The following KAT6B variants were observed in gnomAD, a reference collection of about 807,000 sequenced individuals.
KAT6B encodes histone acetyltransferase KAT6B.
A neutral mutation model predicts 187.5 loss-of-function variants in KAT6B; 10 were observed. The observed-to-expected ratio is 0.05, with a 90% CI of 0.03 to 0.09. KAT6B has a LOEUF of 0.09. Among genes scored for constraint, KAT6B ranks in the 10% least tolerant of loss-of-function variants. The pLI is 1.00. For synonymous variants in KAT6B, 861 were observed against 926.8 expected, an observed-to-expected ratio of 0.93 and a Z score of 1.29; for missense variants, 1,952 against 2,558.9, an observed-to-expected ratio of 0.76 and a Z score of 5.12.
intron 2 of KAT6B, among the ~76,000 whole-genome samples, chr10:74,842,280 A>G (rs545191534): frequency 6.5e-4 from 99 of 152,294 alleles, no homozygotes; most frequent in African/African-American, 2.2e-3. Flanking sequence ...TTTTATGTTT[A>G]TGGCAGACAT....
At chr10:75,018,756 C>T (rs745985187) in intron 13 of KAT6B, among the ~76,000 whole-genome samples, 1 of 152,160 alleles carries the variant, frequency 6.6e-6, no homozygotes, top group Non-Finnish European at 1.5e-5. Flanking sequence ...TCCTTGACTG[C>T]TGGATTCAAA....
At chr10:74,938,934 A>G (rs372545572) in intron 3 of KAT6B, among the ~76,000 whole-genome samples, 5 of 151,922 alleles carry the variant, frequency 3.3e-5, no homozygotes, top group Non-Finnish European at 7.4e-5. Context: ...ACAGGGTTTC[A>G]CCATGTTGGC....
chr10:74,828,660 C>G (rs932146293), intron 1 of KAT6B, among the ~76,000 whole-genome samples: 2 of 150,822 alleles, frequency 1.3e-5, no homozygotes, highest in South Asian at 4.2e-4. Context: ...CTCCGCCTCC[C>G]GGGTTCACGC....
chr10:74,912,762 T>G (rs1847337715), intron 3 of KAT6B, among the ~76,000 whole-genome samples: 1 of 152,194 alleles, frequency 6.6e-6, no homozygotes, highest in African/African-American at 2.4e-5. Flanking sequence ...TTTTCTTCAT[T>G]TCTTATTTCG....
At chr10:74,941,887 A>C (rs895086951) in intron 3 of KAT6B, among the ~76,000 whole-genome samples, 2 of 152,212 alleles carry the variant, frequency 1.3e-5, no homozygotes, top group African/African-American at 4.8e-5. Context: ...CACGGCTGTA[A>C]TCCCAGCACT....
At chr10:74,931,912 A>G (rs1285285802) in intron 3 of KAT6B, among the ~76,000 whole-genome samples, 1 of 151,708 alleles carries the variant, frequency 6.6e-6, no homozygotes, top group African/African-American at 2.4e-5. Flanking sequence ...GAGTTTTGCC[A>G]TGTTGGCCAG....
chr10:75,011,324 G>A (rs1373336656), intron 13 of KAT6B, among the ~76,000 whole-genome samples: 1 of 152,042 alleles, frequency 6.6e-6, no homozygotes, highest in Non-Finnish European at 1.5e-5. Flanking sequence ...TTTAAAAGTG[G>A]TTTGAACTGT....
At chr10:74,836,604 A>G (rs1841328427) in intron 1 of KAT6B, among the ~76,000 whole-genome samples, 1 of 152,254 alleles carries the variant, frequency 6.6e-6, no homozygotes, top group Non-Finnish European at 1.5e-5. Context: ...AGATGCATCC[A>G]GGATTTGAAA....
chr10:74,842,797 T>G lies in KAT6B; in HGVS notation c.-61T>G. 1 of 1,583,454 alleles carries G rather than the reference T, an allele frequency of 6.3e-7. No individual in the cohort carries two copies. Among genetic ancestry groups the G allele is most frequent in the Non-Finnish European group, 8.7e-7 (1 of 1,155,866 alleles). ...AAATGACTTTCAAATGTGCAAGTTC[T>G]GTTAAATACAAAGAGAACCTCTATG... On this transcript the variant is annotated 5_prime_UTR_variant, in exon 3 of 18. Coordinates refer to ENST00000287239, the MANE Select transcript of KAT6B (RefSeq NM_012330.4).
At chr10:74,889,883 T>C (rs1589557221) in intron 3 of KAT6B, among the ~76,000 whole-genome samples, 3 of 152,132 alleles carry the variant, frequency 2.0e-5, no homozygotes, top group East Asian at 3.9e-4. Context: ...CACAGTTTAG[T>C]AGTGACTTTT....
intron 6 of KAT6B, among the ~76,000 whole-genome samples, chr10:74,971,173 T>C (rs1782989620): frequency 6.6e-6 from 1 of 152,346 alleles, no homozygotes; most frequent in African/African-American, 2.4e-5. Flanking sequence ...AAATGAACTC[T>C]AATTTATTTA....
rs1375284599 is a variant in KAT6B, at chr10:74,843,044, G to A, written c.187G>A (p.Val63Ile). The stretch of plus-strand genomic sequence containing the variant: ...TGTTCAGGATGGCTCAGTTCTCAAA[G>A]TCACCAACAAAGGCCTTGCCTCCTA... ...LSVQDGSVLKVTNKGLASYKD... is the reference protein window; with the variant it reads ...LSVQDGSVLKITNKGLASYKD... The change falls in exon 3 of 18, where the codon GTC becomes ATC. Residue 63 changes from valine to isoleucine, a missense_variant. Physicochemically the swap from Val to Ile is conservative, Grantham distance 29 (BLOSUM62 3). Around this residue, in one of 9 missense-constraint regions of KAT6B, gnomAD observed 218 missense variants for 282.6 expected, o/e 0.77. Coordinates refer to ENST00000287239, the MANE Select transcript of KAT6B (RefSeq NM_012330.4). 2 of 1,614,092 alleles carry A rather than the reference G, an allele frequency of 1.2e-6. No homozygotes were observed. The highest frequency in any genetic ancestry group is 1.7e-6 in the Non-Finnish European group (2 of 1,180,040).
intron 10 of KAT6B, among the ~76,000 whole-genome samples, chr10:74,980,374 G>A (rs1443153042): frequency 6.6e-6 from 1 of 152,124 alleles, no homozygotes; most frequent in East Asian, 1.9e-4. Flanking sequence ...TTATAGAATA[G>A]ATCTTATTTT....
At chr10:74,832,808 C>T (rs1362973461) in intron 1 of KAT6B, among the ~76,000 whole-genome samples, 1 of 151,448 alleles carries the variant, frequency 6.6e-6, no homozygotes, top group African/African-American at 2.4e-5. Flanking sequence ...CCTTGTATCT[C>T]TATTTTAAAA....
At chr10:74,976,724 G>A (rs546828897) in intron 8 of KAT6B, 21 of 292,274 alleles carry the variant, frequency 7.2e-5, no homozygotes, top group African/African-American at 6.3e-4. Context: ...CTTCCAACAG[G>A]GGGTGTTTCA....
At chr10:74,899,476 C>T (rs1589578655) in intron 3 of KAT6B, among the ~76,000 whole-genome samples, 3 of 151,702 alleles carry the variant, frequency 2.0e-5, no homozygotes, top group South Asian at 2.1e-4. Flanking sequence ...GGTTTCACCA[C>T]GTTGGCCAGG....
intron 13 of KAT6B, among the ~76,000 whole-genome samples, chr10:74,992,600 CAAGTTGT>C (rs1043817706): frequency 3.9e-5 from 6 of 152,156 alleles, no homozygotes; most frequent in South Asian, 2.1e-4. Context: ...AAAGTTGAAC[CAAGTTGT>C]AAGTTGTAAG....
At chr10:74,888,438 A>G (rs1360868506) in intron 3 of KAT6B, among the ~76,000 whole-genome samples, 1 of 152,228 alleles carries the variant, frequency 6.6e-6, no homozygotes, top group African/African-American at 2.4e-5. Context: ...AAAGATATAA[A>G]AAGGCATTGA....
intron 12 of KAT6B, 149 bp downstream of exon 12, chr10:74,985,390 T>C (rs901126694): frequency 2.2e-5 from 19 of 844,676 alleles, no homozygotes; most frequent in Non-Finnish European, 3.5e-5. Context: ...GAGCTCATTT[T>C]AAAAGATGAA....
Sources: allele counts gnomAD v4.1 joint callset (sites outside exome capture counted in the v4.1 genomes callset), GRCh38; gene constraint gnomAD v4.1.1; regional missense constraint gnomAD v4.1.1; transcripts MANE v1.5; gene names NCBI Gene and HGNC (gene_info 2026-07-23, HGNC 2026-07-21).